XPR1: variants seen among roughly 807,000 people sequenced by gnomAD.
XPR1 encodes solute carrier family 53 member 1.
In XPR1, 28 loss-of-function variants were observed where a neutral mutation model predicts 87.5. The observed-to-expected ratio is 0.32, with a 90% CI of 0.24 to 0.44. The LOEUF is 0.44. XPR1 is among the 20% of genes least tolerant of loss of function. The pLI, the probability that XPR1 is intolerant of heterozygous loss-of-function variation, is 1.00. For missense variants in XPR1, 559 were observed against 862.3 expected (o/e 0.65, Z 4.41); for synonymous variants, 300 against 306.1 (o/e 0.98, Z 0.21).
chr1:180,734,376 G>A (rs745855791), intron 2 of XPR1, among the ~76,000 whole-genome samples: 1 of 152,196 alleles, frequency 6.6e-6, no homozygotes, highest in Non-Finnish European at 1.5e-5. Flanking sequence ...GTAACCATTT[G>A]TGGGAAAACA....
intron 1 of XPR1, among the ~76,000 whole-genome samples, chr1:180,656,399 A>AT (rs1557941215): frequency 0.033 from 1,326 of 40,352 alleles, 128 homozygotes; most frequent in African/African-American, 0.13. Context: ...ATTTATATAT[A>AT]AATATTTATA....
chr1:180,701,444 CA>C (rs2101969942), intron 2 of XPR1, among the ~76,000 whole-genome samples: 1 of 128,608 alleles, frequency 7.8e-6, no homozygotes, highest in Admixed American at 7.4e-5. Context: ...TGAATTTTGT[CA>C]AAGGCTTTTT....
chr1:180,877,566 A>G (rs972660138), intron 13 of XPR1, among the ~76,000 whole-genome samples: 1 of 152,244 alleles, frequency 6.6e-6, no homozygotes, highest in Non-Finnish European at 1.5e-5. Flanking sequence ...GAGTAAATCA[A>G]TGAACTCTCT....
At chr1:180,866,733 ATCAG>A (rs1291026246) in intron 12 of XPR1, among the ~76,000 whole-genome samples, 7 of 152,254 alleles carry the variant, frequency 4.6e-5, no homozygotes, top group Admixed American at 2.6e-4. Flanking sequence ...TATCATAATC[ATCAG>A]TCAGTGAATA....
intron 1 of XPR1, among the ~76,000 whole-genome samples, chr1:180,659,531 C>A (rs1017016336): frequency 2.3e-4 from 35 of 149,130 alleles, no homozygotes; most frequent in Non-Finnish European, 4.9e-4. Context: ...TGCAGTGGTG[C>A]AATCTCAGCT....
At chr1:180,833,999 A>C (rs2102166108) in intron 9 of XPR1, among the ~76,000 whole-genome samples, 1 of 152,344 alleles carries the variant, frequency 6.6e-6, no homozygotes, top group Non-Finnish European at 1.5e-5. Flanking sequence ...AGACAAAAAA[A>C]GAATACAAAT....
At chr1:180,737,646 A>C (rs1277133318) in intron 2 of XPR1, among the ~76,000 whole-genome samples, 1 of 152,214 alleles carries the variant, frequency 6.6e-6, no homozygotes, top group African/African-American at 2.4e-5. Flanking sequence ...CCAGCTGCTG[A>C]TCTGTTTGTC....
intron 11 of XPR1, among the ~76,000 whole-genome samples, chr1:180,841,341 G>A (rs1651507392): frequency 6.6e-6 from 1 of 151,628 alleles, no homozygotes; most frequent in East Asian, 1.9e-4. Context: ...TGGAGGTGTA[G>A]TAGTTCTCAG....
At chr1:180,769,649 T>C (rs1648429316) in intron 2 of XPR1, among the ~76,000 whole-genome samples, 1 of 152,228 alleles carries the variant, frequency 6.6e-6, no homozygotes, top group African/African-American at 2.4e-5. Context: ...TACTCCATTG[T>C]GTATACGTAC....
At chr1:180,685,448 T>C (rs997758595) in intron 2 of XPR1, among the ~76,000 whole-genome samples, 26 of 152,130 alleles carry the variant, frequency 1.7e-4, no homozygotes, top group Non-Finnish European at 3.4e-4. Flanking sequence ...TAAAATTCTC[T>C]TTTTTTGTTG....
chr1:180,859,270 A>G (rs952392174), intron 11 of XPR1, among the ~76,000 whole-genome samples: 1 of 152,072 alleles, frequency 6.6e-6, no homozygotes, highest in African/African-American at 2.4e-5. Context: ...CACAATGGCT[A>G]TGGGTACAAA....
At chr1:180,874,025 A>G in intron 13 of XPR1, 83 bp downstream of exon 13, 2 of 1,397,402 alleles carry the variant, frequency 1.4e-6, no homozygotes, top group Non-Finnish European at 1.9e-6. Flanking sequence ...ATTTATTATA[A>G]CTTGTACTTG....
intron 3 of XPR1, among the ~76,000 whole-genome samples, chr1:180,788,727 C>G (rs1213338460): frequency 6.6e-6 from 1 of 151,774 alleles, no homozygotes. Context: ...TTTTTATTTT[C>G]ATATTTAATA....
At chr1:180,736,503 G>A (rs1658736064) in intron 2 of XPR1, among the ~76,000 whole-genome samples, 2 of 152,162 alleles carry the variant, frequency 1.3e-5, no homozygotes, top group South Asian at 4.1e-4. Context: ...TCCGTAGTTT[G>A]TTAGTAGAAT....
At chr1:180,647,984 T>C (rs1265625995) in intron 1 of XPR1, among the ~76,000 whole-genome samples, 1 of 151,408 alleles carries the variant, frequency 6.6e-6, no homozygotes, top group Admixed American at 6.6e-5. Flanking sequence ...ATCTGCATTG[T>C]CCAATATGTG....
Position 180,661,519 on chromosome 1 carries a change from G to C in XPR1, c.70-20841G>C, listed in dbSNP as rs948617892. ...TGTGTGTGTGTGTGTGTGTGTGTGT[G>C]GTATGTTTTTTGATTTGAGGTTACC... On this transcript the variant is annotated intron_variant, in intron 1 of 14. Transcript: ENST00000367590. Among the ~76,000 whole-genome samples the C allele has an allele frequency of 4.1e-5, 5 of 122,620 alleles. No homozygotes were observed. In the Admixed American group the frequency reaches 4.3e-4, roughly 10 times the overall value. 80.4% of individuals were successfully genotyped at this position (122,620 alleles called of 152,430 possible). A position where few individuals can be genotyped will look rare whatever the true frequency, so the allele number is the denominator to read the frequency against.
At chr1:180,728,780 G>A (rs991658149) in intron 2 of XPR1, among the ~76,000 whole-genome samples, 1 of 152,092 alleles carries the variant, frequency 6.6e-6, no homozygotes, top group Non-Finnish European at 1.5e-5. Context: ...ACTTCACATT[G>A]TTTCCCTAAT....
At chr1:180,655,128 A>G (rs539144287) in intron 1 of XPR1, among the ~76,000 whole-genome samples, 51 of 152,282 alleles carry the variant, frequency 3.3e-4, no homozygotes, top group African/African-American at 1.1e-3. Flanking sequence ...TATCAAATGA[A>G]TATGGTATCT....
chr1:180,812,168 C>T (rs1410841487), intron 7 of XPR1, among the ~76,000 whole-genome samples: 1 of 152,158 alleles, frequency 6.6e-6, no homozygotes, highest in Non-Finnish European at 1.5e-5. Flanking sequence ...TGCTGGTTTT[C>T]CTGTTAAATT....
Sources: allele counts gnomAD v4.1 joint callset (sites outside exome capture counted in the v4.1 genomes callset), GRCh38; gene constraint gnomAD v4.1.1; transcripts MANE v1.5; gene names NCBI Gene and HGNC (gene_info 2026-07-23, HGNC 2026-07-21).